GREB1: variants seen among roughly 807,000 people sequenced by gnomAD.
GREB1 encodes the protein protein GREB1.
A neutral mutation model predicts 200.7 loss-of-function variants in GREB1; 106 were observed. The observed-to-expected ratio is 0.53, with a 90% confidence interval of 0.45 to 0.62. GREB1 has a LOEUF of 0.62. GREB1 is among the 20% of genes least tolerant of loss of function. The probability of loss-of-function intolerance (pLI) is 0.00; values close to 1 mark genes in which losing one functional copy is unlikely to be tolerated. For missense variants in GREB1, 2,243 were observed against 2,556.8 expected (o/e 0.88, Z 2.65); for synonymous variants, 1,132 against 1,092.4 (o/e 1.04, Z -0.72).
chr2:11,515,101 T>C (rs1416497880), intron 1 of GREB1, among the ~76,000 whole-genome samples: 1 of 102,462 alleles, frequency 9.8e-6, no homozygotes, highest in Admixed American at 9.6e-5. Flanking sequence ...TGCCCATCTA[T>C]CCATCCTTCC....
intron 1 of GREB1, among the ~76,000 whole-genome samples, chr2:11,497,971 C>CTTTTTTTT (rs70955803): frequency 4.9e-5 from 2 of 40,628 alleles, no homozygotes; most frequent in African/African-American, 9.1e-5. Flanking sequence ...CAGAGCAAAA[C>CTTTTTTTT]TTTTTTTTTT....
At chr2:11,598,112 A>G in intron 14 of GREB1, 134 bp downstream of exon 14, 1 of 761,780 alleles carries the variant, frequency 1.3e-6, no homozygotes, top group South Asian at 1.6e-5. Flanking sequence ...ATAGATTGTG[A>G]AACTGATGTT....
At chr2:11,544,475 C>T (rs1675067291) in intron 1 of GREB1, among the ~76,000 whole-genome samples, 1 of 152,172 alleles carries the variant, frequency 6.6e-6, no homozygotes, top group South Asian at 2.1e-4. Flanking sequence ...CTCGGCCTCC[C>T]AAAGTGCTGG....
chr2:11,576,624 C>T, intron 5 of GREB1, 89 bp downstream of exon 5: 15 of 957,184 alleles, frequency 1.6e-5, no homozygotes, highest in Non-Finnish European at 2.1e-5. Flanking sequence ...GGGAGAGGCC[C>T]CTGCATAGCA....
intron 18 of GREB1, among the ~76,000 whole-genome samples, chr2:11,611,965 G>A (rs1017625692): frequency 6.6e-5 from 10 of 152,086 alleles, no homozygotes; most frequent in African/African-American, 2.2e-4. Context: ...AGGCCGAGGC[G>A]GGCGGATCAC....
chr2:11,531,016 C>A (rs1674054653), upstream of GREB1, among the ~76,000 whole-genome samples: 1 of 152,092 alleles, frequency 6.6e-6, no homozygotes, highest in African/African-American at 2.4e-5. Flanking sequence ...TTAACCCCCC[C>A]AAAACTAGCC....
chr2:11,575,230 C>T (rs1245840362), intron 4 of GREB1, among the ~76,000 whole-genome samples: 1 of 152,192 alleles, frequency 6.6e-6, no homozygotes, highest in Non-Finnish European at 1.5e-5. Flanking sequence ...TTCAGCATCT[C>T]CCCAGCCAAA....
At chr2:11,521,539 T>C (rs1365293458) in intron 1 of GREB1, among the ~76,000 whole-genome samples, 2 of 152,210 alleles carry the variant, frequency 1.3e-5, no homozygotes, top group African/African-American at 2.4e-5. Flanking sequence ...TTTTTAACTT[T>C]GCAATTTTTC....
chr2:11,592,381 G>A (rs1680816173), intron 10 of GREB1, among the ~76,000 whole-genome samples: 1 of 150,304 alleles, frequency 6.7e-6, no homozygotes, highest in Non-Finnish European at 1.5e-5. Context: ...TGCAGCTTGA[G>A]GACATATTCT....
intron 1 of GREB1, 104 bp downstream of exon 1, chr2:11,534,358 T>C (rs1227437313): frequency 6.6e-6 from 1 of 152,260 alleles, no homozygotes; most frequent in Non-Finnish European, 1.5e-5. Flanking sequence ...TTTGTGTTTC[T>C]TGCAGAGGAA....
Position 11,556,536 on chromosome 2 carries a change from CCTT to C in GREB1, c.-76_-74del, listed in dbSNP as rs1572689018. ...GCCCTTCCTCCTTGCAGCTGTTTCA[CCTT>C]CTACCTTGCGTGGAGCCAGGCTTTT... On this transcript the variant is annotated 5_prime_UTR_variant, in exon 2 of 33. Transcript: ENST00000381486. The C allele has an allele frequency of 1.6e-6, 2 of 1,224,290 alleles. No homozygotes were observed. Among genetic ancestry groups the C allele is most frequent in the East Asian group, 2.4e-5 (1 of 41,062 alleles). 75.8% of individuals were successfully genotyped at this position (1,224,290 alleles called of 1,614,324 possible).
At position 11,585,790 on chromosome 2, in the gene GREB1, G is replaced by C. The variant is rs1468947605; in HGVS notation, c.1044G>C (p.Gln348His). 2.1e-5 allele frequency: 34 copies of C among 1,613,564 alleles called. No homozygotes were observed. Among genetic ancestry groups the C allele is most frequent in the Non-Finnish European group, 2.8e-5 (33 of 1,180,042 alleles). The change falls in exon 9 of 33, where the codon CAG becomes CAC. Residue 348 changes from glutamine to histidine, a missense_variant. Physicochemically the swap from Gln to His is conservative, Grantham distance 24 (BLOSUM62 0). This residue lies in a region of GREB1 where 1,178 missense variants were observed against 1,387.4 expected (regional missense o/e 0.85). Transcript: ENST00000381486. ...YESAGMSCVP[Q>H]VGLVGPASVT... ...GCGCAGGCATGTCCTGCGTGCCGCA[G>C]GTTGGCTTGGTGGGACCAGCTTCAG...
Position 11,640,746 on chromosome 2 carries a change from C to T in GREB1, c.*292C>T, listed in dbSNP as rs1438961157. 1.1e-5 allele frequency: 4 copies of T among 364,602 alleles called. No individual in the cohort carries two copies. Among genetic ancestry groups the T allele is most frequent in the Non-Finnish European group, 2.0e-5 (4 of 203,458 alleles). The allele number at this position is 364,602 out of a possible 1,614,324, so 22.6% of individuals were successfully genotyped here. On this transcript the variant is annotated 3_prime_UTR_variant, in exon 33 of 33. Transcript: ENST00000381486. This position sits in a 1 kb window ranked among gnomAD's most constrained non-coding sequence, Gnocchi z 4.6. ...GAACAAAGATTTACTTCCTGTCCTG[C>T]CATTCGTGTGCTTCCATGGACAAAC...
In GREB1 at chr2:11,492,654, A is replaced by G. The variant is rs1672797926; in HGVS notation, c.-159+10273A>G. Among the ~76,000 whole-genome samples, 1 of 152,216 alleles carries G rather than the reference A, an allele frequency of 6.6e-6. No homozygotes were observed. Among genetic ancestry groups the G allele is most frequent in the Non-Finnish European group, 1.5e-5 (1 of 68,030 alleles). ...GTGGGAATCAAGTTTGCCAGAATCAATGTAAGGGAAGAGAAAAGGGTAAAA... is the reference window on the plus strand; with the variant it reads ...GTGGGAATCAAGTTTGCCAGAATCAGTGTAAGGGAAGAGAAAAGGGTAAAA... On this transcript the variant is annotated intron_variant, in intron 1 of 2. Coordinates refer to the GREB1 transcript ENST00000628795. This position sits in a 1 kb window ranked among gnomAD's most constrained non-coding sequence, Gnocchi z 4.0.
chr2:11,542,399 G>A (rs953175665), intron 1 of GREB1, among the ~76,000 whole-genome samples: 3 of 152,130 alleles, frequency 2.0e-5, no homozygotes, highest in Non-Finnish European at 2.9e-5. Flanking sequence ...GATCTGCAGC[G>A]TGGGATCATC....
chr2:11,634,454 C>A (rs1373101054), intron 29 of GREB1, 105 bp downstream of exon 29: 1 of 786,126 alleles, frequency 1.3e-6, no homozygotes, highest in Non-Finnish European at 2.1e-6. Context: ...TGAGCACTGA[C>A]CTGGCCTTGC....
rs547591463 is a variant in GREB1, at chr2:11,551,076, A to G, written c.-161-5378A>G. On this transcript the variant is annotated intron_variant, in intron 1 of 32. Coordinates refer to ENST00000381486, the MANE Select transcript of GREB1 (RefSeq NM_014668.4). ...GCTCAGGTCAATGTCCCAGCCACCT[A>G]GAGCATGTTGAGCTAGCTCACTGTT... Among the ~76,000 whole-genome samples the G allele has an allele frequency of 3.3e-5, 5 of 152,326 alleles. No homozygotes were observed. In the East Asian group the frequency reaches 9.7e-4, roughly 29 times the overall value.
chr2:11,625,337 A>G (rs755637463), intron 24 of GREB1, 25 bp downstream of exon 24: 2 of 1,611,080 alleles, frequency 1.2e-6, no homozygotes, highest in South Asian at 1.1e-5. Flanking sequence ...CTCTCGTTTC[A>G]CCTTCCAGAG....
At position 11,592,897 on chromosome 2, in the gene GREB1, G is replaced by A. The variant is rs148777088; in HGVS notation, c.1467G>A (p.Ala489=). 579 of 1,592,912 alleles carry A rather than the reference G, an allele frequency of 3.6e-4. 2 individuals carry two copies. In the Middle Eastern group the frequency reaches 5.2e-3, roughly 14 times the overall value. ...QQAPPQPFPP[A]PSAAAPVTSA... is the part of the protein sequence containing the mutation. ...CGCCGCCGCAGCCCTTCCCGCCCGCGCCCAGCGCCGCGGCACCCGTGACCT... is the reference window on the plus strand; with the variant it reads ...CGCCGCCGCAGCCCTTCCCGCCCGCACCCAGCGCCGCGGCACCCGTGACCT... The change falls in exon 11 of 33, where the codon GCG becomes GCA. Residue 489 remains alanine (A), a synonymous_variant. Coordinates refer to ENST00000381486, the MANE Select transcript of GREB1 (RefSeq NM_014668.4).
Sources: gnomAD v4.1 joint callset for allele counts (sites outside exome capture counted in the v4.1 genomes callset) on GRCh38, gnomAD v4.1.1 for gene constraint, gnomAD v4.1.1 regional missense constraint, Gnocchi (gnomAD v3.1) non-coding constraint, MANE v1.5 for transcripts, NCBI Gene and HGNC (gene_info 2026-07-23, HGNC 2026-07-21) for gene names.